Variants in WDR41 observed in about 807,000 individuals in gnomAD.
WDR41 encodes the protein WD repeat-containing protein 41.
A neutral mutation model predicts 69.3 loss-of-function variants in WDR41; 63 were observed. The observed-to-expected ratio is 0.91, with a 90% CI of 0.74 to 1.12. The LOEUF (loss-of-function observed/expected upper bound fraction) is 1.12. Among genes scored for constraint, WDR41 ranks in the 50% most tolerant of loss-of-function variants. The pLI is 0.00. For missense variants in WDR41, 543 were observed against 534.5 expected, an observed-to-expected ratio of 1.02 and a Z score of -0.16; for synonymous variants, 185 against 192.1, an observed-to-expected ratio of 0.96 and a Z score of 0.31.
chr5:77,449,960 GA>G, intron 7 of WDR41, 90 bp from the exon 8 acceptor site: 2 of 846,214 alleles, frequency 2.4e-6, no homozygotes, highest in Non-Finnish European at 3.8e-6. Context: ...TTCATTAAGT[GA>G]AAAATACCTA....
chr5:77,466,806 A>ATT (rs201249403), intron 2 of WDR41, among the ~76,000 whole-genome samples: 80 of 135,250 alleles, frequency 5.9e-4, no homozygotes, highest in Non-Finnish European at 1.0e-3. Context: ...TATTGCTACC[A>ATT]TTTTTTTTTT....
chr5:77,511,206 T>C (rs947112141), intron 1 of WDR41, among the ~76,000 whole-genome samples: 1 of 152,242 alleles, frequency 6.6e-6, no homozygotes, highest in Non-Finnish European at 1.5e-5. Context: ...TTTCTCTTAC[T>C]TTCCCCTCTA....
intron 1 of WDR41, among the ~76,000 whole-genome samples, chr5:77,576,002 G>A (rs1743824078): frequency 1.3e-5 from 2 of 152,168 alleles, no homozygotes; most frequent in Non-Finnish European, 1.5e-5. Context: ...CAAGAATAAA[G>A]TGAACCTTCT....
chr5:77,591,188 G>C (rs1744131043), intron 1 of WDR41, among the ~76,000 whole-genome samples: 1 of 151,620 alleles, frequency 6.6e-6, no homozygotes, highest in Non-Finnish European at 1.5e-5. Flanking sequence ...TTGTATTTAA[G>C]GTATAAATAT....
chr5:77,615,170 C>CT (rs1744654075), intron 1 of WDR41, among the ~76,000 whole-genome samples: 1 of 151,834 alleles, frequency 6.6e-6, no homozygotes, highest in South Asian at 2.1e-4. Context: ...ACTGAATTGT[C>CT]TAAAAAAGAA....
At chr5:77,566,719 T>C (rs1158910500) in intron 1 of WDR41, among the ~76,000 whole-genome samples, 1 of 152,160 alleles carries the variant, frequency 6.6e-6, no homozygotes. Flanking sequence ...AATTTGTTTA[T>C]GTCAGGATAA....
chr5:77,530,150 G>A (rs2360040), intron 1 of WDR41, among the ~76,000 whole-genome samples: 1 of 151,342 alleles, frequency 6.6e-6, no homozygotes, highest in Non-Finnish European at 1.5e-5. Flanking sequence ...CCAGAATGGC[G>A]AATATTAAAA....
At chr5:77,491,849 A>C (rs1404558303) in intron 1 of WDR41, 2 of 376,012 alleles carry the variant, frequency 5.3e-6, no homozygotes, top group East Asian at 4.2e-5. Flanking sequence ...GGTAGCCAGA[A>C]GCCCTAAGTT....
At chr5:77,563,751 A>G (rs898369353) in intron 1 of WDR41, among the ~76,000 whole-genome samples, 26 of 152,198 alleles carry the variant, frequency 1.7e-4, no homozygotes, top group African/African-American at 6.0e-4. Context: ...GATTTAAAAC[A>G]TTATTTTTAT....
chr5:77,605,846 G>C (rs186567546), intron 1 of WDR41, among the ~76,000 whole-genome samples: 2 of 152,222 alleles, frequency 1.3e-5, no homozygotes, highest in Non-Finnish European at 2.9e-5. Flanking sequence ...AACTTTGACT[G>C]ATAGACTTTA....
intron 1 of WDR41, among the ~76,000 whole-genome samples, chr5:77,607,173 C>A (rs1314021634): frequency 6.6e-6 from 1 of 152,096 alleles, no homozygotes; most frequent in Non-Finnish European, 1.5e-5. Flanking sequence ...TTAGATCAAA[C>A]TATTATTAGA....
intron 1 of WDR41, among the ~76,000 whole-genome samples, chr5:77,618,293 T>C (rs1215331138): frequency 4.6e-5 from 7 of 152,132 alleles, no homozygotes; most frequent in African/African-American, 1.2e-4. Context: ...ATGTCTGGCA[T>C]AGGAAAAACT....
At chr5:77,609,445 C>A (rs1178223663) in intron 1 of WDR41, among the ~76,000 whole-genome samples, 1 of 152,176 alleles carries the variant, frequency 6.6e-6, no homozygotes, top group Non-Finnish European at 1.5e-5. Context: ...GCCAGGTACT[C>A]CTCTGAGACA....
intron 1 of WDR41, among the ~76,000 whole-genome samples, chr5:77,607,875 C>T (rs761546432): frequency 6.6e-6 from 1 of 152,138 alleles, no homozygotes; most frequent in South Asian, 2.1e-4. Flanking sequence ...TCTAATTCTA[C>T]TCCTTCCATT....
At chr5:77,534,304 A>G (rs1742921769) in intron 1 of WDR41, among the ~76,000 whole-genome samples, 1 of 151,554 alleles carries the variant, frequency 6.6e-6, no homozygotes, top group African/African-American at 2.4e-5. Flanking sequence ...ATATTCTAGA[A>G]CAAATTTGCA....
intron 1 of WDR41, among the ~76,000 whole-genome samples, chr5:77,527,907 G>C (rs943882495): frequency 1.3e-5 from 2 of 151,634 alleles, no homozygotes; most frequent in African/African-American, 4.8e-5. Context: ...AACTTGTAAG[G>C]CGTAGTTTAA....
rs183258928 is a variant in WDR41, at chr5:77,584,275, G to A, written c.42+36204C>T. Among the ~76,000 whole-genome samples the A allele has an allele frequency of 3.1e-3, 478 of 152,184 alleles. 10 individuals carry two copies. Among genetic ancestry groups the A allele is most frequent in the South Asian group, 0.029 (142 of 4,826 alleles). On this transcript the variant is annotated intron_variant, in intron 1 of 5. Transcript: ENST00000509971. Reference sequence around the variant, plus strand: ...AAGAAAAAGAAATAAAAGACATATAGACTAGAAAGGAAAAAGTAAAATTAT... The same window carrying A: ...AAGAAAAAGAAATAAAAGACATATAAACTAGAAAGGAAAAAGTAAAATTAT...
chr5:77,495,307 G>GA (rs1180641271), upstream of WDR41, among the ~76,000 whole-genome samples: 1 of 151,410 alleles, frequency 6.6e-6, no homozygotes, highest in Admixed American at 6.6e-5. Flanking sequence ...ATAGAGAATA[G>GA]AAAAAATAGA....
chr5:77,541,712 C>T (rs1017600594), intron 1 of WDR41, among the ~76,000 whole-genome samples: 2 of 149,606 alleles, frequency 1.3e-5, no homozygotes, highest in Non-Finnish European at 2.9e-5. Context: ...AGGCTGATCT[C>T]GAACTCCTGA....
Sources: gnomAD v4.1 joint callset for allele counts (sites outside exome capture counted in the v4.1 genomes callset) on GRCh38, gnomAD v4.1.1 for gene constraint, MANE v1.5 for transcripts, NCBI Gene and HGNC (gene_info 2026-07-23, HGNC 2026-07-21) for gene names.